OSBPL3: variants seen among roughly 807,000 people sequenced by gnomAD.
OSBPL3 encodes oxysterol binding protein like 3, also known as oxysterol-binding protein-related protein 3.
A neutral mutation model predicts 120.1 loss-of-function variants in OSBPL3; 65 were observed. That is an observed-to-expected ratio of 0.54 (90% CI 0.44 to 0.67). The LOEUF is 0.67. OSBPL3 is among the 30% of genes least tolerant of loss of function. OSBPL3 has a pLI of 0.00. For synonymous variants in OSBPL3, 416 were observed against 402.6 expected (o/e 1.03, Z -0.40); for missense variants, 1,004 against 1,082.1 (o/e 0.93, Z 1.01).
chr7:24,917,266 T>C (rs796387081), intron 1 of OSBPL3, among the ~76,000 whole-genome samples: 25 of 151,794 alleles, frequency 1.6e-4, no homozygotes, highest in African/African-American at 5.6e-4. Flanking sequence ...TCTGCAGAAA[T>C]TGAATTTTCA....
rs1584222064 is a variant in OSBPL3 at position 24,815,303 on chromosome 7, A to G, written c.2028-100T>C. The stretch of plus-strand genomic sequence containing the variant: ...TATAAAATAAGTCATGCAATGCATT[A>G]TTCATCTCTTTATTCACAGAAGCAA... On this transcript the variant is annotated intron_variant, in intron 18 of 22. Transcript: ENST00000313367. The surrounding 1 kb of genome is among the most constrained non-coding windows in gnomAD (Gnocchi z 5.1). 4.7e-5 allele frequency: 42 copies of G among 892,740 alleles called. No individual in the cohort carries two copies. In the East Asian group the frequency reaches 1.0e-3, roughly 22 times the overall value. 55.3% of individuals were successfully genotyped at this position (892,740 alleles called of 1,614,324 possible). A position where few individuals can be genotyped will look rare whatever the true frequency, so the allele number is the denominator to read the frequency against.
chr7:24,941,999 T>C (rs1562994457), intron 1 of OSBPL3, among the ~76,000 whole-genome samples: 1 of 152,164 alleles, frequency 6.6e-6, no homozygotes, highest in South Asian at 2.1e-4. Flanking sequence ...TGTGTTTTGC[T>C]CACATCTCTC....
At chr7:24,828,451 T>C (rs1337958883) in intron 16 of OSBPL3, among the ~76,000 whole-genome samples, 2 of 151,570 alleles carry the variant, frequency 1.3e-5, no homozygotes, top group African/African-American at 2.4e-5. Flanking sequence ...CTATTAAAAA[T>C]ACAAAACTTA....
chr7:24,845,445 A>ATGTGTG lies in OSBPL3; in HGVS notation c.1267-3038_1267-3033dup, dbSNP rs112776265. ...CCCATACCTATCTGTATTTGTGTGT[A>ATGTGTG]TGTGTGTGTGTGTGTATGTGTGTGT... On this transcript the variant is annotated intron_variant, in intron 12 of 22. Transcript: ENST00000313367. Among the ~76,000 whole-genome samples the ATGTGTG allele has an allele frequency of 1.8e-4, 21 of 114,852 alleles. No individual in the cohort carries two copies. In the South Asian group the frequency reaches 5.3e-3, roughly 29 times the overall value. The allele number at this position is 114,852 out of a possible 152,430, so 75.3% of individuals were successfully genotyped here.
In OSBPL3 at chr7:24,932,139, C is replaced by A. The variant is rs1045453602; in HGVS notation, c.-149-39518G>T. Among the ~76,000 whole-genome samples, 2 of 152,184 alleles carry A rather than the reference C, an allele frequency of 1.3e-5. No homozygotes were observed. The highest frequency in any genetic ancestry group is 1.3e-4 in the Admixed American group (2 of 15,286). On this transcript the variant is annotated intron_variant, in intron 1 of 22. Transcript: ENST00000313367. The surrounding 1 kb of genome is among the most constrained non-coding windows in gnomAD (Gnocchi z 5.6). ...TTTCCCATAAACCAGTTCCCATAAA[C>A]CATGTCTTATTTAATTAATAAGAAA...
chr7:24,906,938 G>A (rs988929341), intron 1 of OSBPL3, among the ~76,000 whole-genome samples: 37 of 152,048 alleles, frequency 2.4e-4, no homozygotes, highest in African/African-American at 8.0e-4. Context: ...TTCATCACTG[G>A]AACAGCAAGC....
chr7:24,834,826 T>A lies in OSBPL3; in HGVS notation c.1496-90A>T. The A allele has an allele frequency of 8.6e-7, 1 of 1,165,874 alleles. No individual in the cohort carries two copies. The highest frequency in any genetic ancestry group is 1.2e-6 in the Non-Finnish European group (1 of 848,484). The allele number at this position is 1,165,874 out of a possible 1,614,324, so 72.2% of individuals were successfully genotyped here. A position where few individuals can be genotyped will look rare whatever the true frequency, so the allele number is the denominator to read the frequency against. On this transcript the variant is annotated intron_variant, in intron 14 of 22. Coordinates refer to ENST00000313367, the MANE Select transcript of OSBPL3 (RefSeq NM_015550.4). The surrounding 1 kb of genome is among the most constrained non-coding windows in gnomAD (Gnocchi z 5.2). ...CACGAATAAAACCTTACGTAGCAAG[T>A]AGTCAATGTTACTATTAAACTCAGT...
At chr7:24,892,712 C>T (rs1329466664) in intron 1 of OSBPL3, 91 bp from the exon 2 acceptor site, 27 of 871,806 alleles carry the variant, frequency 3.1e-5, no homozygotes, top group Non-Finnish European at 4.1e-5. Flanking sequence ...AAACATACTA[C>T]AGATTACAGA....
At chr7:24,857,547 G>A (rs1449210250) in intron 10 of OSBPL3, among the ~76,000 whole-genome samples, 3 of 152,152 alleles carry the variant, frequency 2.0e-5, no homozygotes, top group Admixed American at 2.0e-4. Context: ...ACTACTATAC[G>A]ACATTTAACA....
At chr7:24,895,582 T>A (rs1806022754) in intron 1 of OSBPL3, among the ~76,000 whole-genome samples, 1 of 152,150 alleles carries the variant, frequency 6.6e-6, no homozygotes. Context: ...GACTAAGGTA[T>A]CCCAGGTGCC....
At position 24,938,818 on chromosome 7, in the gene OSBPL3, TG is replaced by T. The variant is rs1315137396; in HGVS notation, c.-150+41067del. Among the ~76,000 whole-genome samples the T allele has an allele frequency of 2.0e-5, 3 of 150,792 alleles. No individual in the cohort carries two copies. Among genetic ancestry groups the T allele is most frequent in the African/African-American group, 7.3e-5 (3 of 40,928 alleles). ...GTGTGTGTGTGTGTGTGTGTGTGTGTGTGTGTGTGTGTGTGTTTTGAGAGCA... is the reference window on the plus strand; with the variant it reads ...GTGTGTGTGTGTGTGTGTGTGTGTGTTGTGTGTGTGTGTGTTTTGAGAGCA... On this transcript the variant is annotated intron_variant, in intron 1 of 22. Transcript: ENST00000313367. The surrounding 1 kb of genome is among the most constrained non-coding windows in gnomAD (Gnocchi z 5.8).
chr7:24,878,449 G>T (rs748750283), intron 2 of OSBPL3, among the ~76,000 whole-genome samples: 1 of 152,116 alleles, frequency 6.6e-6, no homozygotes, highest in African/African-American at 2.4e-5. Flanking sequence ...TGTCTTTAAT[G>T]ATTTTAAAGG....
At chr7:24,859,222 G>A (rs1048122511) in intron 10 of OSBPL3, among the ~76,000 whole-genome samples, 2 of 151,956 alleles carry the variant, frequency 1.3e-5, no homozygotes, top group East Asian at 1.9e-4. Context: ...AGTAATGTAC[G>A]AAACAAAAAT....
chr7:24,834,357 G>A lies in OSBPL3; in HGVS notation c.1746+129C>T. 1.3e-6 allele frequency: 2 copies of A among 1,506,348 alleles called. No individual in the cohort carries two copies. Among genetic ancestry groups the A allele is most frequent in the Non-Finnish European group, 1.8e-6 (2 of 1,127,678 alleles). The allele number at this position is 1,506,348 out of a possible 1,614,324, so 93.3% of individuals were successfully genotyped here. On this transcript the variant is annotated intron_variant, in intron 15 of 22. Coordinates refer to ENST00000313367, the MANE Select transcript of OSBPL3 (RefSeq NM_015550.4). This position sits in a 1 kb window ranked among gnomAD's most constrained non-coding sequence, Gnocchi z 5.2. ...AGGAAGCCAGACAGCTCTGAGTAAT[G>A]AACCTGTTTACGGAACAATCAAAAT... is the stretch of plus-strand genomic sequence containing the variant.
At position 24,894,863 on chromosome 7, in the gene OSBPL3, G is replaced by A. The variant is rs1322973134; in HGVS notation, c.-149-2242C>T. ...AGGGTCATCTTTATCTCTTTGTCCT[G>A]CAGAATTTCAGTTGGGAGGCAACAG... On this transcript the variant is annotated intron_variant, in intron 1 of 22. Coordinates refer to ENST00000313367, the MANE Select transcript of OSBPL3 (RefSeq NM_015550.4). The surrounding 1 kb of genome is among the most constrained non-coding windows in gnomAD (Gnocchi z 4.1). Among the ~76,000 whole-genome samples, 1 of 152,186 alleles carries A rather than the reference G, an allele frequency of 6.6e-6. No homozygotes were observed. The highest frequency in any genetic ancestry group is 1.9e-4 in the East Asian group (1 of 5,200).
Position 24,946,093 on chromosome 7 carries a change from G to A in OSBPL3, c.-150+33793C>T, listed in dbSNP as rs1280353155. Among the ~76,000 whole-genome samples the A allele has an allele frequency of 6.6e-6, 1 of 152,116 alleles. No individual in the cohort carries two copies. Among genetic ancestry groups the A allele is most frequent in the Admixed American group, 6.5e-5 (1 of 15,270 alleles). On this transcript the variant is annotated intron_variant, in intron 1 of 22. Transcript: ENST00000313367. This position sits in a 1 kb window ranked among gnomAD's most constrained non-coding sequence, Gnocchi z 4.3. The stretch of plus-strand genomic sequence containing the variant: ...AGGCTCAGCTGGGTAGGTGTCCTAG[G>A]TGGCTCCCTCCCAAGGCTGGTAGTC...
chr7:24,852,805 G>A lies in OSBPL3; in HGVS notation c.1028-171C>T, dbSNP rs887394445. 6.6e-6 allele frequency among the ~76,000 whole-genome samples: 1 copy of A among 152,094 alleles called. No individual in the cohort carries two copies. The highest frequency in any genetic ancestry group is 1.5e-5 in the Non-Finnish European group (1 of 68,026). On this transcript the variant is annotated intron_variant, in intron 10 of 22. Coordinates refer to ENST00000313367, the MANE Select transcript of OSBPL3 (RefSeq NM_015550.4). This position sits in a 1 kb window ranked among gnomAD's most constrained non-coding sequence, Gnocchi z 4.1. ...TTTTAAAAAACACATTTGCCATGTA[G>A]AACACGCTAATGTAAACTAAGGCCT...
In OSBPL3 at chr7:24,815,934, A is replaced by G. The variant is rs1794410148; in HGVS notation, c.2027+676T>C. On this transcript the variant is annotated intron_variant, in intron 18 of 22. Transcript: ENST00000313367. The surrounding 1 kb of genome is among the most constrained non-coding windows in gnomAD (Gnocchi z 5.1). Reference sequence around the variant, plus strand: ...TCCCTGCTCAGAAGCATCTTGCTTTATAAATAAGTATCAATCATCCCTATC... The same window carrying G: ...TCCCTGCTCAGAAGCATCTTGCTTTGTAAATAAGTATCAATCATCCCTATC... Among the ~76,000 whole-genome samples the G allele has an allele frequency of 6.6e-6, 1 of 152,218 alleles. No homozygotes were observed. Among genetic ancestry groups the G allele is most frequent in the African/African-American group, 2.4e-5 (1 of 41,452 alleles).
intron 22 of OSBPL3, among the ~76,000 whole-genome samples, chr7:24,801,013 C>T (rs1045693630): frequency 4.0e-5 from 6 of 148,536 alleles, no homozygotes; most frequent in African/African-American, 7.4e-5. Flanking sequence ...GAGGCCGAAG[C>T]GGGCACATCA....
Sources: gnomAD v4.1 joint callset for allele counts (sites outside exome capture counted in the v4.1 genomes callset) on GRCh38, gnomAD v4.1.1 for gene constraint, Gnocchi (gnomAD v3.1) non-coding constraint, MANE v1.5 for transcripts, NCBI Gene and HGNC (gene_info 2026-07-23, HGNC 2026-07-21) for gene names.